RBFOX1: variants seen among roughly 807,000 people sequenced by gnomAD.
RBFOX1 encodes the protein RNA binding protein fox-1 homolog 1.
In RBFOX1, 8 loss-of-function variants were observed where a neutral mutation model predicts 57.7. The ratio of observed to expected loss-of-function variants is 0.14; its 90% confidence interval spans 0.08 to 0.25. RBFOX1 has a LOEUF of 0.25. RBFOX1 is among the 10% of genes least tolerant of loss of function. RBFOX1 has a pLI of 1.00. For synonymous variants in RBFOX1, 326 were observed against 222.4 expected (o/e 1.47, Z -4.15); for missense variants, 611 against 548.5 (o/e 1.11, Z -1.14).
At chr16:6,297,964 T>C (rs4392073) in intron 1 of RBFOX1, among the ~76,000 whole-genome samples, 47,327 of 152,084 alleles carry the variant, frequency 0.31, 7,378 homozygotes, top group South Asian at 0.34. Context: ...CCTTCAATTC[T>C]GTGTGTGACC....
intron 2 of RBFOX1, among the ~76,000 whole-genome samples, chr16:5,520,491 C>G (rs1201947451): frequency 6.6e-6 from 1 of 152,174 alleles, no homozygotes; most frequent in Non-Finnish European, 1.5e-5. Flanking sequence ...GGAAATGAAA[C>G]TGTTCTGGGG....
chr16:6,983,162 A>G (rs1177644904), intron 3 of RBFOX1, among the ~76,000 whole-genome samples: 1 of 152,072 alleles, frequency 6.6e-6, no homozygotes, highest in Non-Finnish European at 1.5e-5. Context: ...TAGCAGGGAT[A>G]GCACACCAAG....
At chr16:7,697,368 G>A (rs760273655) in intron 14 of RBFOX1, among the ~76,000 whole-genome samples, 2 of 152,138 alleles carry the variant, frequency 1.3e-5, no homozygotes, top group Non-Finnish European at 2.9e-5. Context: ...ATTCCATGGA[G>A]CACCAAGGCT....
At chr16:7,529,413 G>A (rs533141536) in intron 5 of RBFOX1, among the ~76,000 whole-genome samples, 3 of 152,178 alleles carry the variant, frequency 2.0e-5, no homozygotes, top group Non-Finnish European at 2.9e-5. Context: ...AAAATTACAA[G>A]CGTGATGGTA....
intron 3 of RBFOX1, among the ~76,000 whole-genome samples, chr16:6,862,504 C>T (rs915916277): frequency 1.3e-5 from 2 of 152,204 alleles, no homozygotes; most frequent in African/African-American, 2.4e-5. Flanking sequence ...ACAGCTCTGC[C>T]TTGCCCAGGC....
At chr16:6,794,515 C>T (rs1006671265) in intron 3 of RBFOX1, among the ~76,000 whole-genome samples, 2 of 151,974 alleles carry the variant, frequency 1.3e-5, no homozygotes, top group Non-Finnish European at 2.9e-5. Flanking sequence ...TACATATGGT[C>T]ATTTTATAAG....
intron 3 of RBFOX1, chr16:5,838,691 C>G (rs1210135051): frequency 6.6e-6 from 1 of 152,336 alleles, no homozygotes; most frequent in Admixed American, 6.5e-5. Flanking sequence ...GTTTTCTTAT[C>G]TGCAAAGTGG....
At chr16:6,077,126 C>A (rs74004720) in intron 1 of RBFOX1, among the ~76,000 whole-genome samples, 28 of 151,928 alleles carry the variant, frequency 1.8e-4, no homozygotes, top group African/African-American at 6.5e-4. Context: ...ATGGGGATGA[C>A]GACTTTAAAT....
rs1362981966 is a variant in RBFOX1, at chr16:6,514,917, G to C, written c.-63-139686G>C. Among the ~76,000 whole-genome samples the C allele has an allele frequency of 3.9e-5, 6 of 152,010 alleles. No individual in the cohort carries two copies. The East Asian group carries it at 5.8e-4, about 15-fold the overall frequency. On this transcript the variant is annotated intron_variant, in intron 2 of 15. Transcript: ENST00000550418. ...GAGGAGAAAAAAGAGGGAGAGAAAAGGGGAGAATGAGGACATGAAGGAGGA... is the reference window on the plus strand; with the variant it reads ...GAGGAGAAAAAAGAGGGAGAGAAAACGGGAGAATGAGGACATGAAGGAGGA...
At chr16:6,703,497 A>G (rs933812746) in intron 3 of RBFOX1, among the ~76,000 whole-genome samples, 1 of 122,934 alleles carries the variant, frequency 8.1e-6, no homozygotes, top group Non-Finnish European at 1.7e-5. Context: ...GGATTGCTTG[A>G]GCTCAGCAGT....
chr16:6,824,933 G>A (rs1234116389), intron 3 of RBFOX1, among the ~76,000 whole-genome samples: 2 of 140,046 alleles, frequency 1.4e-5, no homozygotes. Context: ...ATTGGTACAT[G>A]ATTAAGTGCA....
chr16:6,750,115 C>G (rs946045665), intron 3 of RBFOX1, among the ~76,000 whole-genome samples: 1 of 152,116 alleles, frequency 6.6e-6, no homozygotes, highest in African/African-American at 2.4e-5. Flanking sequence ...CTGTTACTGT[C>G]AGAACTGCAG....
Position 7,448,927 on chromosome 16 carries a change from G to GTTTTTTTTTTTTT in RBFOX1, c.28-69213_28-69201dup, listed in dbSNP as rs71147700. On this transcript the variant is annotated intron_variant, in intron 4 of 15. Transcript: ENST00000550418. The stretch of plus-strand genomic sequence containing the variant: ...CTTGGTAGACATTTTTCTTTCCCCT[G>GTTTTTTTTTTTTT]TTTTTTTTTTTTTTTTTTTGAGATG... 8.3e-4 allele frequency among the ~76,000 whole-genome samples: 69 copies of GTTTTTTTTTTTTT among 82,960 alleles called. 4 individuals are homozygous for GTTTTTTTTTTTTT. Among genetic ancestry groups the GTTTTTTTTTTTTT allele is most frequent in the Middle Eastern group, 0.013 (1 of 78 alleles). 54.4% of individuals were successfully genotyped at this position (82,960 alleles called of 152,430 possible). A position where few individuals can be genotyped will look rare whatever the true frequency, so the allele number is the denominator to read the frequency against.
chr16:6,426,367 AG>A (rs1296429146), intron 2 of RBFOX1, among the ~76,000 whole-genome samples: 1 of 152,154 alleles, frequency 6.6e-6, no homozygotes, highest in Non-Finnish European at 1.5e-5. Flanking sequence ...AGAGGGAGGG[AG>A]AAGGAAAGTG....
At chr16:5,383,323 C>T (rs1238912592) in intron 1 of RBFOX1, among the ~76,000 whole-genome samples, 3 of 152,114 alleles carry the variant, frequency 2.0e-5, no homozygotes, top group African/African-American at 4.8e-5. Context: ...GGTGAGATGG[C>T]TTACAAAGAT....
chr16:6,590,518 G>C (rs1421065454), intron 2 of RBFOX1, among the ~76,000 whole-genome samples: 1 of 152,178 alleles, frequency 6.6e-6, no homozygotes, highest in Non-Finnish European at 1.5e-5. Flanking sequence ...GCTTTCGGGA[G>C]TAAATTCAAT....
Position 7,052,111 on chromosome 16 carries a change from G to T in RBFOX1, c.27+13G>T, listed in dbSNP as rs1381827349. 3 of 1,593,768 alleles carry T rather than the reference G, an allele frequency of 1.9e-6. No individual in the cohort carries two copies. Among genetic ancestry groups the T allele is most frequent in the Non-Finnish European group, 2.6e-6 (3 of 1,174,440 alleles). ...AGAGCAGCTAAGGGTAGGTGCACCT[G>T]CTTGTAAAATGCTTCCTGATTCTCA... On this transcript the variant is annotated intron_variant, in intron 4 of 15. Transcript: ENST00000550418.
At chr16:6,587,859 A>T (rs147229918) in intron 2 of RBFOX1, among the ~76,000 whole-genome samples, 10 of 152,266 alleles carry the variant, frequency 6.6e-5, no homozygotes, top group African/African-American at 2.2e-4. Context: ...GTCTTCCCAT[A>T]TATATTGGAC....
intron 1 of RBFOX1, among the ~76,000 whole-genome samples, chr16:6,049,179 T>G (rs2152432033): frequency 6.7e-6 from 1 of 150,256 alleles, no homozygotes; most frequent in East Asian, 2.0e-4. Context: ...TTCTCCTGCC[T>G]CAGCCTCCCA....
Sources: allele counts gnomAD v4.1 joint callset (sites outside exome capture counted in the v4.1 genomes callset), GRCh38; gene constraint gnomAD v4.1.1; transcripts MANE v1.5; gene names NCBI Gene and HGNC (gene_info 2026-07-23, HGNC 2026-07-21).